The following LOXHD1 variants were observed in gnomAD, a reference collection of about 807,000 sequenced individuals.
The protein encoded by LOXHD1 is lipoxygenase homology PLAT domains 1.
In LOXHD1, 205 loss-of-function variants were observed where a neutral mutation model predicts 248.2. The observed-to-expected ratio is 0.83, with a 90% CI of 0.74 to 0.93. The LOEUF (loss-of-function observed/expected upper bound fraction) is 0.93. Ranked by LOEUF, LOXHD1 falls within the 40% of genes least tolerant of loss-of-function variation. LOXHD1 has a pLI of 0.00. For synonymous variants in LOXHD1, 1,113 were observed against 1,162.8 expected (o/e 0.96, Z 0.87); for missense variants, 2,930 against 2,971.6 (o/e 0.99, Z 0.33).
chr18:46,527,438 C>A (rs1457949651), intron 29 of LOXHD1, among the ~76,000 whole-genome samples: 1 of 152,346 alleles, frequency 6.6e-6, no homozygotes, highest in East Asian at 1.9e-4. Flanking sequence ...GTTCTAGACA[C>A]TTCACATTTT....
chr18:46,560,048 T>TGCCAGCCCC, intron 19 of LOXHD1, 35 bp downstream of exon 19: 5 of 1,226,296 alleles, frequency 4.1e-6, no homozygotes, highest in Non-Finnish European at 5.6e-6. Context: ...GTCTGGCCAC[T>TGCCAGCCCC]CCCTCCCCAC....
At chr18:46,622,328 T>C (rs1326249665) in intron 4 of LOXHD1, among the ~76,000 whole-genome samples, 3 of 152,388 alleles carry the variant, frequency 2.0e-5, no homozygotes, top group Middle Eastern at 3.4e-3. Context: ...ACTTTATTTA[T>C]GGACATTGCC....
intron 2 of LOXHD1, among the ~76,000 whole-genome samples, chr18:46,643,402 G>C (rs328171): frequency 6.6e-6 from 1 of 152,112 alleles, no homozygotes; most frequent in South Asian, 2.1e-4. Context: ...AGAGAATGTC[G>C]ACTGTTAGCT....
At chr18:46,556,558 G>C in intron 21 of LOXHD1, 1 of 162,456 alleles carries the variant, frequency 6.2e-6, no homozygotes, top group South Asian at 1.5e-4. Flanking sequence ...GCCATGACAG[G>C]CAACACAGCC....
Position 46,601,276 on chromosome 18 carries a change from TC to T in LOXHD1, c.1074del (p.Ser359ValfsTer22). The T allele has an allele frequency of 6.4e-7, 1 of 1,551,706 alleles. No individual in the cohort carries two copies. Among genetic ancestry groups the T allele is most frequent in the South Asian group, 1.2e-5 (1 of 84,052 alleles). On this transcript the variant is annotated frameshift_variant, in exon 8 of 41. Coordinates refer to ENST00000642948, the MANE Select transcript of LOXHD1 (RefSeq NM_001384474.1). LOFTEE classifies it high-confidence loss of function. ...TTGCCATGCCCGACGGAGACCCGACTCAGGGGGCTAAGGAGGACAGCCAGCT... is the reference window on the plus strand; with the variant it reads ...TTGCCATGCCCGACGGAGACCCGACTAGGGGGCTAAGGAGGACAGCCAGCT... ...HIELAVLLSP[L>X]SRVSVGHGNV... is the part of the protein sequence containing the mutation.
At chr18:46,589,161 A>T (rs1473393839) in intron 12 of LOXHD1, among the ~76,000 whole-genome samples, 1 of 152,208 alleles carries the variant, frequency 6.6e-6, no homozygotes, top group African/African-American at 2.4e-5. Context: ...TGGCAAACTG[A>T]CAAAGTGTGT....
intron 5 of LOXHD1, among the ~76,000 whole-genome samples, chr18:46,615,211 A>T (rs1242888375): frequency 6.6e-6 from 1 of 152,176 alleles, no homozygotes; most frequent in Admixed American, 6.5e-5. Context: ...TCATATTGCT[A>T]TGGGACCCCA....
chr18:46,506,727 C>T (rs2034598919), intron 36 of LOXHD1, among the ~76,000 whole-genome samples: 2 of 152,218 alleles, frequency 1.3e-5, no homozygotes, highest in Non-Finnish European at 2.9e-5. Flanking sequence ...TCATTTATGC[C>T]TGAGATCCTA....
chr18:46,518,372 G>C (rs1272610657), intron 33 of LOXHD1, 116 bp from the exon 34 acceptor site: 4 of 1,280,634 alleles, frequency 3.1e-6, no homozygotes, highest in Admixed American at 2.4e-5. Flanking sequence ...GCTCTGGAAA[G>C]AGCCCTTCCT....
At chr18:46,558,921 T>C (rs1346448599) in intron 20 of LOXHD1, among the ~76,000 whole-genome samples, 1 of 151,562 alleles carries the variant, frequency 6.6e-6, no homozygotes, top group Non-Finnish European at 1.5e-5. Flanking sequence ...TCCAAGCTTA[T>C]CCACTGGGGC....
intron 1 of LOXHD1, 138 bp downstream of exon 1, chr18:46,656,766 T>TCC (rs1477158803): frequency 1.2e-5 from 12 of 1,010,772 alleles, no homozygotes; most frequent in Non-Finnish European, 1.7e-5. Flanking sequence ...TCCGAGGGGA[T>TCC]ATGGAACAGA....
intron 2 of LOXHD1, among the ~76,000 whole-genome samples, chr18:46,646,097 T>C (rs1215684719): frequency 6.6e-6 from 1 of 152,182 alleles, no homozygotes; most frequent in East Asian, 1.9e-4. Flanking sequence ...GTGTGTGTAT[T>C]ATAGGTGAGC....
intron 37 of LOXHD1, among the ~76,000 whole-genome samples, chr18:46,495,200 T>G (rs1266132949): frequency 6.6e-6 from 1 of 152,156 alleles, no homozygotes; most frequent in African/African-American, 2.4e-5. Context: ...CTTTCTTTCC[T>G]CAGAGCTTAA....
intron 37 of LOXHD1, among the ~76,000 whole-genome samples, chr18:46,505,096 C>T (rs1036262660): frequency 1.6e-4 from 24 of 152,252 alleles, no homozygotes; most frequent in African/African-American, 5.5e-4. Flanking sequence ...ATATTTCTCA[C>T]TTGGTTTATA....
intron 35 of LOXHD1, among the ~76,000 whole-genome samples, chr18:46,508,203 G>A (rs906814894): frequency 2.6e-5 from 4 of 152,180 alleles, no homozygotes; most frequent in South Asian, 2.1e-4. Context: ...TCTGGTAGAC[G>A]AGGTTGCATG....
At chr18:46,592,412 C>A (rs192919062) in intron 11 of LOXHD1, 86 bp downstream of exon 11, 6 of 1,163,924 alleles carry the variant, frequency 5.2e-6, no homozygotes, top group Non-Finnish European at 7.4e-6. Context: ...AATACAGAGG[C>A]AAATTTATGT....
intron 8 of LOXHD1, among the ~76,000 whole-genome samples, chr18:46,598,132 T>C (rs1408460658): frequency 6.6e-6 from 1 of 152,080 alleles, no homozygotes; most frequent in Admixed American, 6.6e-5. Flanking sequence ...ATCACCAAGT[T>C]TGACTTATAA....
intron 4 of LOXHD1, among the ~76,000 whole-genome samples, chr18:46,639,305 C>T (rs1220571168): frequency 1.3e-5 from 2 of 152,272 alleles, no homozygotes; most frequent in Admixed American, 6.5e-5. Context: ...AGGGGACTTC[C>T]GATAGATACC....
chr18:46,522,080 G>T, intron 32 of LOXHD1, 21 bp downstream of exon 32: 1 of 1,521,432 alleles, frequency 6.6e-7, no homozygotes, highest in Non-Finnish European at 8.8e-7. Flanking sequence ...TCACTATCAT[G>T]GGGCCCCGAG....
Sources: allele counts gnomAD v4.1 joint callset (sites outside exome capture counted in the v4.1 genomes callset), GRCh38; gene constraint gnomAD v4.1.1; transcripts MANE v1.5; gene names NCBI Gene and HGNC (gene_info 2026-07-23, HGNC 2026-07-21).